Variants in COL4A6 observed in about 807,000 individuals in gnomAD.
COL4A6 encodes the protein collagen alpha-6(IV) chain.
COL4A6 carries 59 observed loss-of-function variants against 126.7 expected under a neutral mutation model. That is an observed-to-expected ratio of 0.47 (90% CI 0.38 to 0.58). The LOEUF is 0.58. Ranked by LOEUF, COL4A6 falls within the 20% of genes least tolerant of loss-of-function variation. The probability of loss-of-function intolerance (pLI) is 0.00; values close to 1 mark genes in which losing one functional copy is unlikely to be tolerated. For missense variants in COL4A6, 1,285 were observed against 1,337.3 expected, an observed-to-expected ratio of 0.96 and a Z score of 0.61; for synonymous variants, 547 against 496.6, an observed-to-expected ratio of 1.10 and a Z score of -1.35.
chrX:108,415,943 G>C (rs1401029025), intron 2 of COL4A6, among the ~76,000 whole-genome samples: 1 of 112,200 alleles, frequency 8.9e-6, no homozygotes, highest in Admixed American at 9.5e-5. Context: ...TGAATGAAAG[G>C]GAAGTGGTTA....
At chrX:108,343,727 T>C (rs1466505562) in intron 2 of COL4A6, among the ~76,000 whole-genome samples, 1 of 109,227 alleles carries the variant, frequency 9.2e-6, no homozygotes, top group Non-Finnish European at 1.9e-5. Context: ...AAAATTTTGG[T>C]TTTTCCCTTC....
chrX:108,168,946 AG>A (rs2034211608), intron 37 of COL4A6, among the ~76,000 whole-genome samples: 1 of 111,946 alleles, frequency 8.9e-6, no homozygotes, highest in Non-Finnish European at 1.9e-5. Flanking sequence ...AGACTCAGAA[AG>A]GGACTTCAGG....
intron 2 of COL4A6, among the ~76,000 whole-genome samples, chrX:108,404,284 G>C (rs1048331522): frequency 2.7e-5 from 3 of 111,898 alleles, no homozygotes; most frequent in African/African-American, 9.7e-5. Flanking sequence ...TCTCCTGTCA[G>C]ATGATGATAA....
chrX:108,259,592 T>G (rs1163895887), intron 3 of COL4A6, among the ~76,000 whole-genome samples: 1 of 111,676 alleles, frequency 9.0e-6, no homozygotes, highest in African/African-American at 3.3e-5. Flanking sequence ...CCCATTATTC[T>G]TTAAGCCTTG....
chrX:108,260,696 G>A (rs2037138296), intron 3 of COL4A6, among the ~76,000 whole-genome samples: 1 of 110,448 alleles, frequency 9.1e-6, no homozygotes, highest in Admixed American at 9.7e-5. Context: ...CATGAAAATG[G>A]ACTAATGCAG....
At chrX:108,342,483 G>T (rs1023097981) in intron 2 of COL4A6, among the ~76,000 whole-genome samples, 1 of 111,563 alleles carries the variant, frequency 9.0e-6, no homozygotes, top group Admixed American at 9.5e-5. Context: ...GAAATATGGG[G>T]AACTAAGTAA....
intron 2 of COL4A6, among the ~76,000 whole-genome samples, chrX:108,375,964 A>G (rs1341552206): frequency 9.8e-5 from 11 of 111,729 alleles, no homozygotes; most frequent in East Asian, 8.4e-4. Context: ...TGTTATCTAC[A>G]TAAACAAAGA....
rs1378010374 is a variant in COL4A6, at chrX:108,346,381, A to G, written c.64-35553T>C. 3.6e-5 allele frequency among the ~76,000 whole-genome samples: 4 copies of G among 110,321 alleles called. No homozygotes were observed. The East Asian group carries it at 1.1e-3, about 31-fold the overall frequency. ...AGTACTCTTAACTCCTCTGAAATGA[A>G]AAAAAAAATACCGCCTTTCACAAAC... On this transcript the variant is annotated intron_variant, in intron 2 of 44. Transcript: ENST00000334504.
At chrX:108,338,619 G>A (rs1354658188) in intron 2 of COL4A6, among the ~76,000 whole-genome samples, 2 of 111,696 alleles carry the variant, frequency 1.8e-5, no homozygotes, top group African/African-American at 3.2e-5. Flanking sequence ...ATTTCCTAAG[G>A]TCAGGTAGAA....
Position 108,322,805 on chromosome X carries a change from T to C in COL4A6, c.64-11977A>G, listed in dbSNP as rs771718327. On this transcript the variant is annotated intron_variant, in intron 2 of 44. Coordinates refer to ENST00000334504, the MANE Select transcript of COL4A6 (RefSeq NM_033641.4). Reference sequence around the variant, plus strand: ...ACAGGATGCACATTAAGCTTGAATTTCAGAAAAACCACAAGTAACTTTTTA... The same window carrying C: ...ACAGGATGCACATTAAGCTTGAATTCCAGAAAAACCACAAGTAACTTTTTA... Among the ~76,000 whole-genome samples, 12 of 112,064 alleles carry C rather than the reference T, an allele frequency of 1.1e-4. No homozygotes were observed. In the East Asian group the frequency reaches 3.4e-3, roughly 31 times the overall value.
In COL4A6 at chrX:108,193,641, A is replaced by T; in HGVS notation, c.1059T>A (p.Gly353=). The part of the protein sequence containing the change: ...PGPDVFIDID[G]AVISGNPGDP... The stretch of plus-strand genomic sequence containing the variant: ...GAGAAGTTGCACCTGAGATCACAGC[A>T]CCATCTATATCGATGAAAACATCTG... The change falls in exon 17 of 45, where the codon GGT becomes GGA. Residue 353 remains glycine, a synonymous_variant. Transcript: ENST00000334504. The T allele has an allele frequency of 1.7e-6, 2 of 1,207,879 alleles. No individual in the cohort carries two copies. Among genetic ancestry groups the T allele is most frequent in the Non-Finnish European group, 2.2e-6 (2 of 892,266 alleles).
chrX:108,346,485 G>T (rs369869107), intron 2 of COL4A6, among the ~76,000 whole-genome samples: 59 of 111,830 alleles, frequency 5.3e-4, no homozygotes, highest in African/African-American at 1.7e-3. Flanking sequence ...GAGCCTGACA[G>T]TCTACCAATA....
intron 3 of COL4A6, among the ~76,000 whole-genome samples, chrX:108,304,879 C>T (rs1441932597): frequency 8.9e-6 from 1 of 112,054 alleles, no homozygotes; most frequent in African/African-American, 3.2e-5. Context: ...ACTCCCTCAA[C>T]AGGAGACTTC....
At chrX:108,423,076 AC>A (rs2064010849) in intron 2 of COL4A6, among the ~76,000 whole-genome samples, 1 of 112,521 alleles carries the variant, frequency 8.9e-6, no homozygotes, top group South Asian at 3.7e-4. Flanking sequence ...TCTTCAGACA[AC>A]AAAACTGAAA....
At position 108,205,465 on chromosome X, in the gene COL4A6, C is replaced by A. The variant is rs913845999; in HGVS notation, c.661G>T (p.Gly221Cys). ...TTGACTCCTTTCTCTCCTTGAAAAC[C>A]TAGCCCCATATTCCCCTAGGGAATA... ...PLGPDGNMGLGFQGEKGVKGD... is the reference protein window; with the variant it reads ...PLGPDGNMGLCFQGEKGVKGD... Residue 221 changes from glycine to cysteine, a missense_variant, in exon 11 of 45, where the codon GGT (glycine) becomes TGT (cysteine). Coordinates refer to ENST00000334504, the MANE Select transcript of COL4A6 (RefSeq NM_033641.4). 2 of 1,203,628 alleles carry A rather than the reference C, an allele frequency of 1.7e-6. No individual in the cohort carries two copies. The highest frequency in any genetic ancestry group is 3.5e-5 in the South Asian group (2 of 56,629).
At chrX:108,252,205 A>T (rs1478667651) in intron 3 of COL4A6, among the ~76,000 whole-genome samples, 1 of 110,768 alleles carries the variant, frequency 9.0e-6, no homozygotes, top group Non-Finnish European at 1.9e-5. Context: ...ACTTATTTAG[A>T]TTCCATATAT....
intron 41 of COL4A6, among the ~76,000 whole-genome samples, chrX:108,162,384 G>C (rs1011152793): frequency 2.8e-5 from 3 of 107,231 alleles, no homozygotes; most frequent in African/African-American, 1.0e-4. Context: ...AGAAGAAGGA[G>C]GAGGAGGAAG....
At chrX:108,200,416 T>C (rs2035355557) in intron 13 of COL4A6, among the ~76,000 whole-genome samples, 1 of 112,470 alleles carries the variant, frequency 8.9e-6, no homozygotes, top group African/African-American at 3.2e-5. Context: ...TAGCCACACA[T>C]GGCTGGCTGT....
chrX:108,343,516 C>A (rs939465123), intron 2 of COL4A6, among the ~76,000 whole-genome samples: 3 of 110,166 alleles, frequency 2.7e-5, no homozygotes, highest in Non-Finnish European at 3.8e-5. Context: ...GAATAAATAT[C>A]CCTAGTCATA....
Sources: gnomAD v4.1 joint callset for allele counts (sites outside exome capture counted in the v4.1 genomes callset) on GRCh38, gnomAD v4.1.1 for gene constraint, MANE v1.5 for transcripts, NCBI Gene and HGNC (gene_info 2026-07-23, HGNC 2026-07-21) for gene names.